STPG2: variants seen among roughly 807,000 people sequenced by gnomAD.
STPG2 encodes sperm-tail PG-rich repeat-containing protein 2.
A neutral mutation model predicts 54.2 loss-of-function variants in STPG2; 56 were observed. The observed-to-expected ratio is 1.03, with a 90% CI of 0.83 to 1.29. The LOEUF is 1.29. Ranked by LOEUF, STPG2 falls within the 50% of genes most tolerant of loss-of-function variation. The pLI is 0.00. For synonymous variants in STPG2, 200 were observed against 181.8 expected (o/e 1.10, Z -0.81); for missense variants, 596 against 544.9 (o/e 1.09, Z -0.93).
At chr4:97,774,920 C>T (rs140210701) in intron 9 of STPG2, among the ~76,000 whole-genome samples, 293 of 152,320 alleles carry the variant, frequency 1.9e-3, no homozygotes, top group African/African-American at 6.9e-3. Flanking sequence ...AGCTGTCTGT[C>T]TCCACTTTGA....
In STPG2 at chr4:98,108,645, G is replaced by C. The variant is rs529317762; in HGVS notation, c.500+548C>G. On this transcript the variant is annotated intron_variant, in intron 4 of 10. Transcript: ENST00000295268. ...TTATAATTAAGGACAGTATATTTTA[G>C]TACATGGCTACATGTGCTGTATAAT... Among the ~76,000 whole-genome samples, 4 of 152,132 alleles carry C rather than the reference G, an allele frequency of 2.6e-5. No homozygotes were observed. In the South Asian group the frequency reaches 8.3e-4, roughly 32 times the overall value.
At chr4:98,076,257 A>AT (rs1372133459) in intron 5 of STPG2, among the ~76,000 whole-genome samples, 2 of 148,180 alleles carry the variant, frequency 1.3e-5, no homozygotes, top group Non-Finnish European at 3.0e-5. Flanking sequence ...AAAAAAAAAA[A>AT]GAAGCAGCAA....
chr4:97,646,354 G>A (rs1386850541), intron 10 of STPG2, among the ~76,000 whole-genome samples: 2 of 151,904 alleles, frequency 1.3e-5, no homozygotes, highest in African/African-American at 2.4e-5. Context: ...GTCTTATTAC[G>A]GTTGCAAAGC....
chr4:97,806,107 G>A (rs1316405642), intron 9 of STPG2, among the ~76,000 whole-genome samples: 1 of 152,156 alleles, frequency 6.6e-6, no homozygotes, highest in African/African-American at 2.4e-5. Flanking sequence ...TAACCTAGAT[G>A]CCCAACAGTG....
chr4:98,019,811 CTCTGTTTG>C lies in STPG2; in HGVS notation c.613-38501_613-38494del, dbSNP rs1454279115. Among the ~76,000 whole-genome samples, 2 of 119,122 alleles carry C rather than the reference CTCTGTTTG, an allele frequency of 1.7e-5. 1 individual carries two copies. Among genetic ancestry groups the C allele is most frequent in the African/African-American group, 6.7e-5 (2 of 29,726 alleles). 78.1% of individuals were successfully genotyped at this position (119,122 alleles called of 152,430 possible). A position where few individuals can be genotyped will look rare whatever the true frequency, so the allele number is the denominator to read the frequency against. ...ATGGGAGTTCACTCATGATTTGGCT[CTCTGTTTG>C]TCTGTTGTTGGTGTATAAGAATGTT... On this transcript the variant is annotated intron_variant, in intron 5 of 10. Transcript: ENST00000295268.
chr4:97,923,222 C>A (rs1272843407), intron 8 of STPG2, among the ~76,000 whole-genome samples: 1 of 152,258 alleles, frequency 6.6e-6, no homozygotes, highest in East Asian at 1.9e-4. Flanking sequence ...CAGGCCGGAG[C>A]CAGCTCCCTC....
intron 10 of STPG2, among the ~76,000 whole-genome samples, chr4:97,649,435 C>CA (rs1203496300): frequency 5.9e-5 from 9 of 151,682 alleles, no homozygotes; most frequent in East Asian, 1.9e-4. Flanking sequence ...GTTTTTAGGG[C>CA]AAAAAAATAG....
chr4:97,787,011 G>A (rs112678640), intron 9 of STPG2, among the ~76,000 whole-genome samples: 1,904 of 152,160 alleles, frequency 0.013, 35 homozygotes, highest in African/African-American at 0.044. Context: ...GTTTTGGAAC[G>A]TATCTTCCTG....
intron 4 of STPG2, among the ~76,000 whole-genome samples, chr4:97,457,978 A>C (rs921451104): frequency 3.3e-5 from 5 of 152,232 alleles, no homozygotes; most frequent in African/African-American, 1.2e-4. Flanking sequence ...GACAGCACAT[A>C]ATCAGAGGTT....
At chr4:98,118,257 G>A (rs888931382) in intron 3 of STPG2, among the ~76,000 whole-genome samples, 1 of 152,088 alleles carries the variant, frequency 6.6e-6, no homozygotes, top group African/African-American at 2.4e-5. Context: ...TAATGCTCAA[G>A]CGGTCAATTT....
At chr4:97,517,601 C>A (rs186347415) in intron 4 of STPG2, among the ~76,000 whole-genome samples, 1 of 108,290 alleles carries the variant, frequency 9.2e-6, no homozygotes, top group African/African-American at 3.1e-5. Context: ...TTCTTAGTGT[C>A]AATTTTTTTC....
At chr4:97,587,606 G>A (rs950777849) in intron 10 of STPG2, among the ~76,000 whole-genome samples, 14 of 151,842 alleles carry the variant, frequency 9.2e-5, no homozygotes, top group Admixed American at 4.6e-4. Context: ...TTTTAATAGT[G>A]GCCCAATTCC....
chr4:97,562,962 G>T (rs1732302299), intron 10 of STPG2, among the ~76,000 whole-genome samples: 1 of 152,080 alleles, frequency 6.6e-6, no homozygotes, highest in African/African-American at 2.4e-5. Context: ...ATCATAAAAT[G>T]AGTTAGGGAG....
chr4:97,873,721 A>G (rs752874508), intron 8 of STPG2, among the ~76,000 whole-genome samples: 8 of 151,544 alleles, frequency 5.3e-5, no homozygotes, highest in Non-Finnish European at 1.0e-4. Flanking sequence ...AACAGAAACA[A>G]AAACAAAATC....
chr4:98,104,015 CTCA>C (rs1739121052), intron 5 of STPG2, among the ~76,000 whole-genome samples: 1 of 152,142 alleles, frequency 6.6e-6, no homozygotes, highest in Non-Finnish European at 1.5e-5. Flanking sequence ...TCATTATCTG[CTCA>C]TCATAATGAG....
intron 5 of STPG2, among the ~76,000 whole-genome samples, chr4:98,086,563 T>G (rs1738520522): frequency 1.3e-5 from 2 of 150,384 alleles, no homozygotes; most frequent in Admixed American, 6.7e-5. Flanking sequence ...ACTATCTAAA[T>G]TCTCACTACC....
intron 9 of STPG2, among the ~76,000 whole-genome samples, chr4:97,757,259 C>G (rs1725758512): frequency 6.6e-6 from 1 of 152,122 alleles, no homozygotes; most frequent in African/African-American, 2.4e-5. Flanking sequence ...TAACCAAAAC[C>G]CTTTGCAAAT....
chr4:97,836,824 ATAAT>A (rs1478509402), intron 9 of STPG2, among the ~76,000 whole-genome samples: 2 of 150,050 alleles, frequency 1.3e-5, no homozygotes, highest in Admixed American at 6.7e-5. Flanking sequence ...TCATTAATTA[ATAAT>A]TAATATTAAC....
At chr4:97,903,579 G>T (rs1731264423) in intron 8 of STPG2, among the ~76,000 whole-genome samples, 1 of 152,230 alleles carries the variant, frequency 6.6e-6, no homozygotes, top group South Asian at 2.1e-4. Flanking sequence ...CATGTAGTAA[G>T]ACCGATTAAC....
Sources: allele counts gnomAD v4.1 joint callset (sites outside exome capture counted in the v4.1 genomes callset), GRCh38; gene constraint gnomAD v4.1.1; transcripts MANE v1.5; gene names NCBI Gene and HGNC (gene_info 2026-07-23, HGNC 2026-07-21).